SELENOI: variants seen among roughly 807,000 people sequenced by gnomAD.
SELENOI encodes the protein selenoprotein I, also known as ethanolaminephosphotransferase 1.
SELENOI carries 24 observed loss-of-function variants against 50.7 expected under a neutral mutation model. The ratio of observed to expected loss-of-function variants is 0.47; its 90% CI spans 0.34 to 0.67. The LOEUF is 0.67. Ranked by LOEUF, SELENOI falls within the 30% of genes least tolerant of loss-of-function variation. The pLI is 0.01. For missense variants in SELENOI, 352 were observed against 461.4 expected (o/e 0.76, Z 2.17); for synonymous variants, 155 against 170.2 (o/e 0.91, Z 0.70).
intron 6 of SELENOI, among the ~76,000 whole-genome samples, chr2:26,381,198 CTTTTTTTTTTTTTTTT>C (rs57102834): frequency 3.3e-5 from 1 of 30,198 alleles, no homozygotes; most frequent in Non-Finnish European, 5.2e-5. Context: ...TCAGTTTGGT[CTTTTTTTTTTTTTTTT>C]TTTTTTTTTT....
At chr2:26,354,560 G>GTT (rs35225513) in intron 1 of SELENOI, among the ~76,000 whole-genome samples, 8 of 141,864 alleles carry the variant, frequency 5.6e-5, no homozygotes, top group Non-Finnish European at 1.1e-4. Flanking sequence ...CTAATTTTTT[G>GTT]TTTTTTTTTT....
chr2:26,364,746 A>C (rs932211366), intron 2 of SELENOI, 86 bp from the exon 3 acceptor site: 2 of 902,280 alleles, frequency 2.2e-6, no homozygotes, highest in African/African-American at 1.7e-5. Context: ...TATAGCTTTT[A>C]TTATGACTTC....
At chr2:26,367,355 AAT>A in intron 4 of SELENOI, 135 bp downstream of exon 4, 5 of 668,896 alleles carry the variant, frequency 7.5e-6, no homozygotes, top group Non-Finnish European at 1.1e-5. Context: ...CAAATTGATA[AAT>A]ATGTTTTTGA....
At chr2:26,363,944 G>A (rs1033892981) in intron 1 of SELENOI, among the ~76,000 whole-genome samples, 6 of 152,076 alleles carry the variant, frequency 3.9e-5, no homozygotes, top group South Asian at 2.1e-4. Flanking sequence ...GTTTCACCAC[G>A]TTGGCCAGGC....
At chr2:26,364,418 G>T (rs936639934) in intron 2 of SELENOI, 48 bp downstream of exon 2, 1 of 1,243,916 alleles carries the variant, frequency 8.0e-7, no homozygotes, top group African/African-American at 1.5e-5. Flanking sequence ...AAGTTTTAAA[G>T]ATTTTAACCT....
chr2:26,384,399 A>G (rs1558422197), intron 7 of SELENOI, among the ~76,000 whole-genome samples: 1 of 152,182 alleles, frequency 6.6e-6, no homozygotes, highest in Non-Finnish European at 1.5e-5. Context: ...CGTGTGATCA[A>G]TGGCGGAAGC....
Position 26,356,723 on chromosome 2 carries a change from A to C in SELENOI, c.58-7579A>C, listed in dbSNP as rs537278692. On this transcript the variant is annotated intron_variant, in intron 1 of 9. Coordinates refer to ENST00000260585, the MANE Select transcript of SELENOI (RefSeq NM_033505.4). ...AGTCCATTTTCTACATCATGTTCAGAATGGTCCTCTTAAGGACCATTTTTT... is the reference window on the plus strand; with the variant it reads ...AGTCCATTTTCTACATCATGTTCAGCATGGTCCTCTTAAGGACCATTTTTT... Among the ~76,000 whole-genome samples, 4 of 152,212 alleles carry C rather than the reference A, an allele frequency of 2.6e-5. No individual in the cohort carries two copies. The South Asian group carries it at 8.3e-4, about 32-fold the overall frequency.
At chr2:26,368,126 A>G (rs527974818) in intron 4 of SELENOI, among the ~76,000 whole-genome samples, 1 of 152,338 alleles carries the variant, frequency 6.6e-6, no homozygotes, top group African/African-American at 2.4e-5. Context: ...TTGTTCTCAT[A>G]AAACCAGCAT....
chr2:26,376,204 T>G (rs773981753), intron 6 of SELENOI, among the ~76,000 whole-genome samples: 10 of 152,184 alleles, frequency 6.6e-5, no homozygotes, highest in Non-Finnish European at 1.3e-4. Context: ...GATGGTATAT[T>G]AGGCACTGGC....
chr2:26,357,895 T>G (rs1677097284), intron 1 of SELENOI, among the ~76,000 whole-genome samples: 1 of 152,076 alleles, frequency 6.6e-6, no homozygotes. Context: ...TCGGAGAAAT[T>G]GAACCATGGG....
chr2:26,351,058 T>TG (rs1259951327), intron 1 of SELENOI, among the ~76,000 whole-genome samples: 9 of 138,214 alleles, frequency 6.5e-5, no homozygotes, highest in African/African-American at 1.8e-4. Flanking sequence ...TTTGTTTGTT[T>TG]TTTTTTTTTT....
At chr2:26,355,273 G>A (rs1677041389) in intron 1 of SELENOI, among the ~76,000 whole-genome samples, 1 of 152,202 alleles carries the variant, frequency 6.6e-6, no homozygotes, top group Non-Finnish European at 1.5e-5. Flanking sequence ...AGTGAAGGGT[G>A]GCAACGTAAT....
chr2:26,367,771 TCAGGGAGTGGG>T (rs1223408607), intron 4 of SELENOI, among the ~76,000 whole-genome samples: 1 of 152,130 alleles, frequency 6.6e-6, no homozygotes, highest in African/African-American at 2.4e-5. Context: ...CAGGGAGCGG[TCAGGGAGTGGG>T]CAGGGAGGCC....
At chr2:26,386,641 G>A (rs2147963709) in intron 9 of SELENOI, 105 bp downstream of exon 9, 1 of 950,366 alleles carries the variant, frequency 1.1e-6, no homozygotes, top group South Asian at 2.5e-5. Context: ...AAAGAAAGTT[G>A]CTTATTATAG....
At chr2:26,382,018 G>C (rs1039656539) in intron 6 of SELENOI, among the ~76,000 whole-genome samples, 2 of 152,174 alleles carry the variant, frequency 1.3e-5, no homozygotes, top group Admixed American at 6.5e-5. Context: ...TATTGATTTG[G>C]AGTTTGAGAG....
intron 6 of SELENOI, among the ~76,000 whole-genome samples, chr2:26,378,533 T>C (rs368143875): frequency 1.0e-3 from 152 of 152,364 alleles, no homozygotes; most frequent in African/African-American, 3.5e-3. Context: ...CCCTGCTTTC[T>C]AGTTCCTCTG....
intron 1 of SELENOI, among the ~76,000 whole-genome samples, chr2:26,353,783 AT>A (rs1677007919): frequency 6.6e-6 from 1 of 152,212 alleles, no homozygotes; most frequent in Admixed American, 6.5e-5. Context: ...AACATCTTGA[AT>A]TGGATCTTTT....
At chr2:26,376,859 C>A (rs1370393729) in intron 6 of SELENOI, among the ~76,000 whole-genome samples, 1 of 152,180 alleles carries the variant, frequency 6.6e-6, no homozygotes, top group Non-Finnish European at 1.5e-5. Context: ...TGTCTTTTGA[C>A]ATCCATTGTT....
chr2:26,373,337 A>G, intron 4 of SELENOI, 30 bp from the exon 5 acceptor site: 1 of 1,589,578 alleles, frequency 6.3e-7, no homozygotes, highest in Non-Finnish European at 8.6e-7. Flanking sequence ...GCATACGTTG[A>G]ACTTTTCCTG....
Sources: gnomAD v4.1 joint callset for allele counts (sites outside exome capture counted in the v4.1 genomes callset) on GRCh38, gnomAD v4.1.1 for gene constraint, MANE v1.5 for transcripts, NCBI Gene and HGNC (gene_info 2026-07-23, HGNC 2026-07-21) for gene names.